SLC35F4: variants seen among roughly 807,000 people sequenced by gnomAD.
SLC35F4 encodes the protein solute carrier family 35 member F4.
In SLC35F4, 24 loss-of-function variants were observed where a neutral mutation model predicts 44.2. That is an observed-to-expected ratio of 0.54 (90% CI 0.39 to 0.76). The LOEUF (loss-of-function observed/expected upper bound fraction) is 0.76. Among genes scored for constraint, SLC35F4 ranks in the 30% least tolerant of loss-of-function variants. The probability of loss-of-function intolerance (pLI) is 0.00; values close to 1 mark genes in which losing one functional copy is unlikely to be tolerated. For missense variants in SLC35F4, 562 were observed against 586.1 expected, an observed-to-expected ratio of 0.96 and a Z score of 0.42; for synonymous variants, 238 against 223.6, an observed-to-expected ratio of 1.06 and a Z score of -0.57.
chr14:57,958,773 T>C (rs1890289382), intron 1 of SLC35F4, among the ~76,000 whole-genome samples: 1 of 152,180 alleles, frequency 6.6e-6, no homozygotes, highest in Non-Finnish European at 1.5e-5. Context: ...AGAACTCTCA[T>C]ACATTGATGA....
chr14:57,623,450 C>T (rs2072307681), intron 1 of SLC35F4, among the ~76,000 whole-genome samples: 1 of 152,144 alleles, frequency 6.6e-6, no homozygotes, highest in African/African-American at 2.4e-5. Flanking sequence ...CAGCTCTGGA[C>T]CAAGCGGACC....
intron 1 of SLC35F4, among the ~76,000 whole-genome samples, chr14:57,726,115 A>T (rs2076197108): frequency 6.6e-6 from 1 of 152,230 alleles, no homozygotes; most frequent in Non-Finnish European, 1.5e-5. Flanking sequence ...TATCAAGACT[A>T]AATCAGTCTA....
intron 3 of SLC35F4, among the ~76,000 whole-genome samples, 192 bp downstream of exon 3, chr14:57,589,024 C>T (rs989387247): frequency 1.1e-4 from 17 of 152,126 alleles, no homozygotes; most frequent in Non-Finnish European, 2.4e-4. Flanking sequence ...CAGTACAGTG[C>T]CTGGCATGTT....
chr14:57,815,389 G>A (rs1025266429), intron 1 of SLC35F4, among the ~76,000 whole-genome samples: 5 of 152,120 alleles, frequency 3.3e-5, no homozygotes, highest in Non-Finnish European at 5.9e-5. Context: ...TAGAAGATAT[G>A]GGTCTTCCCC....
chr14:57,930,939 G>A (rs1889685724), intron 1 of SLC35F4, among the ~76,000 whole-genome samples: 1 of 152,120 alleles, frequency 6.6e-6, no homozygotes, highest in South Asian at 2.1e-4. Flanking sequence ...CCCTGAAGTG[G>A]CAATTAGGAA....
intron 1 of SLC35F4, among the ~76,000 whole-genome samples, chr14:57,898,452 A>G (rs1374089194): frequency 1.3e-5 from 2 of 152,230 alleles, no homozygotes; most frequent in East Asian, 1.9e-4. Context: ...GTTAATAACT[A>G]TGTTAACCAG....
intron 1 of SLC35F4, among the ~76,000 whole-genome samples, chr14:57,709,929 A>T (rs569150401): frequency 1.6e-4 from 24 of 152,336 alleles, no homozygotes; most frequent in African/African-American, 5.8e-4. Context: ...TGATTATGCA[A>T]TAGAAACGAA....
chr14:57,862,590 T>C (rs1029012986), intron 1 of SLC35F4, among the ~76,000 whole-genome samples: 2 of 152,214 alleles, frequency 1.3e-5, no homozygotes, highest in African/African-American at 4.8e-5. Context: ...AGCATGCTAG[T>C]TGTACTCTAC....
intron 1 of SLC35F4, among the ~76,000 whole-genome samples, chr14:57,780,311 T>C (rs1170678401): frequency 1.3e-5 from 2 of 152,002 alleles, no homozygotes; most frequent in East Asian, 3.9e-4. Flanking sequence ...AAGGGCCAAA[T>C]CAACAATGCA....
chr14:57,672,391 T>C (rs2074548277), intron 1 of SLC35F4, among the ~76,000 whole-genome samples: 1 of 152,112 alleles, frequency 6.6e-6, no homozygotes, highest in African/African-American at 2.4e-5. Context: ...ACAAGAGCTA[T>C]ATTAGGAACA....
intron 4 of SLC35F4, among the ~76,000 whole-genome samples, chr14:57,576,759 T>A (rs551211834): frequency 6.6e-6 from 1 of 152,248 alleles, no homozygotes; most frequent in African/African-American, 2.4e-5. Flanking sequence ...TCTCCCTACA[T>A]GCATGGATTT....
Position 57,883,853 on chromosome 14 carries a change from A to G in SLC35F4, n.282+98060T>C, listed in dbSNP as rs530955552. The stretch of plus-strand genomic sequence containing the variant: ...GTTTCACTTCAGCTATTCACCTTCT[A>G]ATCTTTCTAGGTCCATCTATTTTTT... On this transcript the variant is annotated intron_variant and non_coding_transcript_variant, in intron 1 of 1. Transcript: ENST00000556568. Among the ~76,000 whole-genome samples the G allele has an allele frequency of 2.6e-5, 4 of 152,270 alleles. No individual in the cohort carries two copies. In the South Asian group the frequency reaches 6.2e-4, roughly 24 times the overall value.
intron 1 of SLC35F4, among the ~76,000 whole-genome samples, chr14:57,619,270 C>G (rs896207009): frequency 6.6e-6 from 1 of 152,218 alleles, no homozygotes; most frequent in Non-Finnish European, 1.5e-5. Flanking sequence ...TGGGGGCTGA[C>G]AGACACCTCA....
chr14:57,587,589 G>T (rs2069845151), intron 3 of SLC35F4, among the ~76,000 whole-genome samples: 1 of 152,186 alleles, frequency 6.6e-6, no homozygotes, highest in Non-Finnish European at 1.5e-5. Context: ...ATGGACACAG[G>T]GAGGGGAACA....
intron 1 of SLC35F4, among the ~76,000 whole-genome samples, chr14:57,658,962 G>A (rs965420913): frequency 2.0e-5 from 3 of 152,156 alleles, no homozygotes; most frequent in African/African-American, 7.2e-5. Context: ...AGAGAAAGAA[G>A]AGGAGATAAA....
At chr14:57,701,712 T>C (rs909744093) in intron 1 of SLC35F4, among the ~76,000 whole-genome samples, 1 of 152,178 alleles carries the variant, frequency 6.6e-6, no homozygotes, top group Non-Finnish European at 1.5e-5. Flanking sequence ...AACATACCTA[T>C]GATAAAGTTT....
intron 1 of SLC35F4, among the ~76,000 whole-genome samples, chr14:57,811,720 G>A (rs1475942623): frequency 1.3e-5 from 2 of 152,240 alleles, no homozygotes; most frequent in African/African-American, 4.8e-5. Context: ...GCAAGCGACA[G>A]TCAAGTGAGA....
At chr14:57,790,556 C>T (rs1017025826) in intron 1 of SLC35F4, among the ~76,000 whole-genome samples, 4 of 152,132 alleles carry the variant, frequency 2.6e-5, no homozygotes, top group Non-Finnish European at 4.4e-5. Context: ...AATGGCCATA[C>T]TGCCCAAAGT....
At chr14:57,669,667 C>T (rs2140266556) in intron 1 of SLC35F4, among the ~76,000 whole-genome samples, 1 of 152,186 alleles carries the variant, frequency 6.6e-6, no homozygotes, top group African/African-American at 2.4e-5. Context: ...AGCCTTGCAT[C>T]CCAGGGATGA....
Sources: gnomAD v4.1 joint callset for allele counts (sites outside exome capture counted in the v4.1 genomes callset) on GRCh38, gnomAD v4.1.1 for gene constraint, MANE v1.5 for transcripts, NCBI Gene and HGNC (gene_info 2026-07-23, HGNC 2026-07-21) for gene names.